The following CAMTA1 variants were observed in gnomAD, a reference collection of about 807,000 sequenced individuals.
CAMTA1 encodes calmodulin-binding transcription activator 1.
CAMTA1 carries 27 observed loss-of-function variants against 170.9 expected under a neutral mutation model. That is an observed-to-expected ratio of 0.16 (90% CI 0.12 to 0.22). CAMTA1 has a LOEUF of 0.22. CAMTA1 is among the 10% of genes least tolerant of loss of function. The probability of loss-of-function intolerance (pLI) is 1.00; values close to 1 mark genes in which losing one functional copy is unlikely to be tolerated. For synonymous variants in CAMTA1, 833 were observed against 891.5 expected (o/e 0.93, Z 1.17); for missense variants, 1,619 against 2,217.2 (o/e 0.73, Z 5.42).
intron 4 of CAMTA1, among the ~76,000 whole-genome samples, chr1:7,198,510 C>T (rs1386897779): frequency 6.6e-6 from 1 of 152,098 alleles, no homozygotes; most frequent in Non-Finnish European, 1.5e-5. Context: ...CCTTCCATGT[C>T]TCAGCAGCCC....
intron 6 of CAMTA1, among the ~76,000 whole-genome samples, chr1:7,616,796 C>T (rs1249965701): frequency 6.6e-6 from 1 of 152,152 alleles, no homozygotes; most frequent in Non-Finnish European, 1.5e-5. Context: ...GGGGTGAGCG[C>T]AGAAGCTGGA....
intron 6 of CAMTA1, among the ~76,000 whole-genome samples, chr1:7,480,442 C>A (rs922115403): frequency 1.3e-5 from 2 of 151,502 alleles, no homozygotes; most frequent in Non-Finnish European, 2.9e-5. Context: ...AGAGAGATAT[C>A]CTCGCCCCTA....
At chr1:7,331,557 A>T (rs574588999) in intron 5 of CAMTA1, among the ~76,000 whole-genome samples, 1 of 152,324 alleles carries the variant, frequency 6.6e-6, no homozygotes, top group South Asian at 2.1e-4. Flanking sequence ...GCATCATCAC[A>T]TCCAGTGGCG....
At chr1:7,116,426 C>T (rs899068500) in intron 4 of CAMTA1, among the ~76,000 whole-genome samples, 1 of 152,122 alleles carries the variant, frequency 6.6e-6, no homozygotes, top group African/African-American at 2.4e-5. Flanking sequence ...TCACAGATCA[C>T]CTTGTAAGAC....
At chr1:6,815,816 T>A (rs777074586) in intron 1 of CAMTA1, among the ~76,000 whole-genome samples, 1 of 152,172 alleles carries the variant, frequency 6.6e-6, no homozygotes, top group Non-Finnish European at 1.5e-5. Flanking sequence ...GAATCTCAGG[T>A]TCTCCCTCAG....
chr1:6,863,086 CATTG>C (rs1324232873), intron 3 of CAMTA1, among the ~76,000 whole-genome samples: 9 of 152,236 alleles, frequency 5.9e-5, no homozygotes, highest in Non-Finnish European at 1.2e-4. Flanking sequence ...TGTGTGTGTA[CATTG>C]TGTAATGATT....
chr1:7,312,490 A>G (rs969183578), intron 5 of CAMTA1, among the ~76,000 whole-genome samples: 5 of 152,158 alleles, frequency 3.3e-5, no homozygotes, highest in Non-Finnish European at 7.4e-5. Flanking sequence ...TGGCTCTTTC[A>G]GGGGTGTTTC....
chr1:7,439,855 G>A (rs930776233), intron 5 of CAMTA1, among the ~76,000 whole-genome samples: 1 of 152,238 alleles, frequency 6.6e-6, no homozygotes, highest in African/African-American at 2.4e-5. Flanking sequence ...TCCAAGGTGC[G>A]GAGTGTCGGA....
At chr1:7,058,723 C>A (rs544556923) in intron 3 of CAMTA1, among the ~76,000 whole-genome samples, 1 of 152,188 alleles carries the variant, frequency 6.6e-6, no homozygotes, top group East Asian at 1.9e-4. Flanking sequence ...AACATAGAGG[C>A]CAGGACTTAT....
In CAMTA1 at chr1:7,558,944, G is replaced by A. The variant is rs146958540; in HGVS notation, c.511-81456G>A. On this transcript the variant is annotated intron_variant, in intron 6 of 22. Transcript: ENST00000303635. ...CTGAGCTGGTGCAGCCTTTTCACAA[G>A]TTACCCTTAAAGGGCTGGGTCTCGG... is the stretch of plus-strand genomic sequence containing the variant. 1.1e-4 allele frequency among the ~76,000 whole-genome samples: 17 copies of A among 152,332 alleles called. No individual in the cohort carries two copies. In the East Asian group the frequency reaches 3.3e-3, roughly 29 times the overall value.
chr1:7,156,147 A>C (rs921958156), intron 4 of CAMTA1, among the ~76,000 whole-genome samples: 4 of 151,674 alleles, frequency 2.6e-5, no homozygotes, highest in Non-Finnish European at 5.9e-5. Context: ...ATGTGGTGGC[A>C]CGTGTGATCC....
chr1:7,066,500 G>A (rs563010206), intron 3 of CAMTA1, among the ~76,000 whole-genome samples: 5 of 152,230 alleles, frequency 3.3e-5, no homozygotes, highest in Non-Finnish European at 5.9e-5. Flanking sequence ...CAAGATAAAC[G>A]TGCTTACATT....
At chr1:7,111,229 T>C (rs1453455249) in intron 4 of CAMTA1, among the ~76,000 whole-genome samples, 2 of 152,232 alleles carry the variant, frequency 1.3e-5, no homozygotes, top group Non-Finnish European at 2.9e-5. Context: ...CAAGATCAGC[T>C]GATTAGCAGT....
chr1:6,889,353 T>C (rs1359292912), intron 3 of CAMTA1, among the ~76,000 whole-genome samples: 1 of 152,238 alleles, frequency 6.6e-6, no homozygotes, highest in Non-Finnish European at 1.5e-5. Flanking sequence ...AATCTGTATT[T>C]ATAGTTTCAT....
At chr1:7,358,189 C>G (rs959915262) in intron 5 of CAMTA1, among the ~76,000 whole-genome samples, 5 of 152,220 alleles carry the variant, frequency 3.3e-5, no homozygotes, top group African/African-American at 1.2e-4. Flanking sequence ...AAAAGCCCCA[C>G]GTCCTCCCTT....
intron 6 of CAMTA1, among the ~76,000 whole-genome samples, chr1:7,540,629 C>T (rs964514229): frequency 6.6e-6 from 1 of 152,174 alleles, no homozygotes; most frequent in African/African-American, 2.4e-5. Flanking sequence ...CCCCCAAAAC[C>T]GCCCACCTCT....
chr1:7,133,811 C>G (rs1364645220), intron 4 of CAMTA1, among the ~76,000 whole-genome samples: 1 of 152,180 alleles, frequency 6.6e-6, no homozygotes, highest in African/African-American at 2.4e-5. Flanking sequence ...TGGATGTTTT[C>G]TCTCTCACAC....
chr1:7,018,343 G>T (rs1700858864), intron 3 of CAMTA1, among the ~76,000 whole-genome samples: 1 of 152,120 alleles, frequency 6.6e-6, no homozygotes, highest in Admixed American at 6.5e-5. Flanking sequence ...GAGGGACACG[G>T]ACCTACTGGT....
intron 11 of CAMTA1, among the ~76,000 whole-genome samples, chr1:7,690,459 C>T (rs921390482): frequency 6.6e-6 from 1 of 152,246 alleles, no homozygotes; most frequent in African/African-American, 2.4e-5. Flanking sequence ...GGGCAAGGAA[C>T]TCTACCCCAG....
Sources: gnomAD v4.1 joint callset for allele counts (sites outside exome capture counted in the v4.1 genomes callset) on GRCh38, gnomAD v4.1.1 for gene constraint, MANE v1.5 for transcripts, NCBI Gene and HGNC (gene_info 2026-07-23, HGNC 2026-07-21) for gene names.